Variants in TASP1 observed in about 807,000 individuals in gnomAD.
The protein encoded by TASP1 is threonine aspartase 1.
TASP1 carries 16 observed loss-of-function variants against 56.6 expected under a neutral mutation model. That is an observed-to-expected ratio of 0.28 (90% CI 0.19 to 0.43). The LOEUF is 0.43. TASP1 is among the 20% of genes least tolerant of loss of function. The probability of loss-of-function intolerance (pLI) is 1.00; values close to 1 mark genes in which losing one functional copy is unlikely to be tolerated. For synonymous variants in TASP1, 179 were observed against 184.2 expected (o/e 0.97, Z 0.23); for missense variants, 393 against 511.6 (o/e 0.77, Z 2.24).
At chr20:13,489,799 T>C (rs1568868176) in intron 10 of TASP1, among the ~76,000 whole-genome samples, 1 of 152,210 alleles carries the variant, frequency 6.6e-6, no homozygotes, top group Non-Finnish European at 1.5e-5. Flanking sequence ...AAGTATGCAA[T>C]TCAGTGGCAT....
chr20:13,454,759 G>C (rs1295450700), intron 11 of TASP1, among the ~76,000 whole-genome samples: 1 of 152,126 alleles, frequency 6.6e-6, no homozygotes, highest in African/African-American at 2.4e-5. Flanking sequence ...TCCTTCCCAA[G>C]TCTGAGGCTC....
chr20:13,538,204 A>G (rs998453531), intron 8 of TASP1, among the ~76,000 whole-genome samples: 2 of 152,052 alleles, frequency 1.3e-5, no homozygotes, highest in Admixed American at 6.6e-5. Flanking sequence ...CAGTTTCACT[A>G]TGTTAGCCAG....
the TASP1 span, among the ~76,000 whole-genome samples, chr20:13,137,611 A>G: frequency 6.6e-6 from 1 of 152,186 alleles, no homozygotes; most frequent in East Asian, 1.9e-4. Context: ...GAGGCTAAAG[A>G]TGACAATTTG....
chr20:13,635,083 ACT>A (rs528416955), intron 1 of TASP1, among the ~76,000 whole-genome samples: 74 of 152,284 alleles, frequency 4.9e-4, no homozygotes, highest in African/African-American at 1.8e-3. Context: ...TGGTTGCACA[ACT>A]CTGTGAATAC....
chr20:13,616,182 C>T (rs1408870302), intron 4 of TASP1, among the ~76,000 whole-genome samples: 1 of 152,106 alleles, frequency 6.6e-6, no homozygotes, highest in Non-Finnish European at 1.5e-5. Context: ...TAATATAGGA[C>T]TAGAAGACAT....
the TASP1 span, chr20:13,299,644 C>T: frequency 1.3e-4 from 75 of 579,536 alleles, 1 homozygote; most frequent in Middle Eastern, 1.4e-3. The surrounding 1 kb of genome is among the most constrained non-coding windows in gnomAD (Gnocchi z 5.8). Context: ...CTTGTGAAGC[C>T]GCCCTCGCCA....
At chr20:13,164,686 T>C in the TASP1 span, 2 of 1,168,652 alleles carry the variant, frequency 1.7e-6, no homozygotes, top group Non-Finnish European at 2.5e-6. Flanking sequence ...TTGCTATTAA[T>C]CTGGGCTCTG....
At chr20:13,330,228 T>G in the TASP1 span, among the ~76,000 whole-genome samples, 1 of 152,212 alleles carries the variant, frequency 6.6e-6, no homozygotes, top group African/African-American at 2.4e-5. Context: ...GTGCTGGGAT[T>G]ACAGGCATGA....
At chr20:13,508,510 T>G (rs2044211352) in intron 10 of TASP1, among the ~76,000 whole-genome samples, 1 of 152,088 alleles carries the variant, frequency 6.6e-6, no homozygotes, top group African/African-American at 2.4e-5. Flanking sequence ...CTGCAATTAT[T>G]CCAAAATCTG....
the TASP1 span, chr20:13,221,665 C>G: frequency 3.2e-6 from 3 of 951,972 alleles, no homozygotes; most frequent in East Asian, 7.8e-5. Context: ...TGGCGGGAGC[C>G]GAGGCGGGAG....
intron 12 of TASP1, among the ~76,000 whole-genome samples, chr20:13,428,470 G>A (rs1040656377): frequency 1.3e-5 from 2 of 152,086 alleles, no homozygotes; most frequent in African/African-American, 4.8e-5. Context: ...GGCCTGGAAA[G>A]CACATGTAAT....
chr20:13,184,929 A>G, the TASP1 span, among the ~76,000 whole-genome samples: 1 of 152,168 alleles, frequency 6.6e-6, no homozygotes, highest in Non-Finnish European at 1.5e-5. Context: ...CCATACCAAC[A>G]CATAGGAAGA....
the TASP1 span, chr20:13,300,188 T>C: frequency 6.6e-6 from 1 of 152,200 alleles, no homozygotes; most frequent in Non-Finnish European, 1.5e-5. Flanking sequence ...ATTATCATAA[T>C]GCTATCATTC....
rs74746255 is a variant in TASP1 at position 13,433,520 on chromosome 20, C to CAAA, written c.1096+1521_1096+1523dup. On this transcript the variant is annotated intron_variant, in intron 12 of 13. Transcript: ENST00000337743. ...CAGAGGGTAGAAGGAGACAGTATGG[C>CAAA]AAAAAAAAAAAAAAAAAAAAATACA... Among the ~76,000 whole-genome samples, 46 of 89,144 alleles carry CAAA rather than the reference C, an allele frequency of 5.2e-4. 2 individuals carry two copies. Among genetic ancestry groups the CAAA allele is most frequent in the African/African-American group, 8.1e-4 (17 of 20,962 alleles). The allele number at this position is 89,144 out of a possible 152,430, so 58.5% of individuals were successfully genotyped here. A position where few individuals can be genotyped will look rare whatever the true frequency, so the allele number is the denominator to read the frequency against.
intron 11 of TASP1, among the ~76,000 whole-genome samples, chr20:13,482,728 AT>A (rs1327246070): frequency 2.0e-5 from 3 of 152,218 alleles, no homozygotes; most frequent in African/African-American, 7.2e-5. Flanking sequence ...TAAATCACAT[AT>A]GCTATTAAGC....
chr20:13,576,334 A>AAAGG (rs1376276315), intron 6 of TASP1, among the ~76,000 whole-genome samples: 8 of 134,058 alleles, frequency 6.0e-5, no homozygotes, highest in African/African-American at 2.0e-4. Flanking sequence ...AAAGAGAAAG[A>AAAGG]AAGAAAGGAA....
At chr20:13,613,205 T>C (rs897345022) in intron 4 of TASP1, among the ~76,000 whole-genome samples, 1 of 152,142 alleles carries the variant, frequency 6.6e-6, no homozygotes, top group Non-Finnish European at 1.5e-5. Flanking sequence ...ATAGTATTGA[T>C]CTAAAAAGCA....
At chr20:13,345,197 A>G in the TASP1 span, among the ~76,000 whole-genome samples, 4 of 152,244 alleles carry the variant, frequency 2.6e-5, no homozygotes, top group Non-Finnish European at 5.9e-5. Context: ...TTCTCAGTCC[A>G]TCTACCCTGA....
At chr20:13,372,660 C>T in the TASP1 span, among the ~76,000 whole-genome samples, 1 of 151,698 alleles carries the variant, frequency 6.6e-6, no homozygotes, top group Admixed American at 6.6e-5. Context: ...TTTATATTGC[C>T]ATTTAATTGT....
Sources: allele counts gnomAD v4.1 joint callset (sites outside exome capture counted in the v4.1 genomes callset), GRCh38; gene constraint gnomAD v4.1.1; non-coding constraint Gnocchi (gnomAD v3.1); transcripts MANE v1.5; gene names NCBI Gene and HGNC (gene_info 2026-07-23, HGNC 2026-07-21).